SLC26A8: variants seen among roughly 807,000 people sequenced by gnomAD.
The protein encoded by SLC26A8 is solute carrier family 26 member 8.
SLC26A8 carries 70 observed loss-of-function variants against 105.0 expected under a neutral mutation model. That is an observed-to-expected ratio of 0.67 (90% CI 0.55 to 0.81). The LOEUF (loss-of-function observed/expected upper bound fraction) is 0.81. Among genes scored for constraint, SLC26A8 ranks in the 40% least tolerant of loss-of-function variants. The probability of loss-of-function intolerance (pLI) is 0.00; values close to 1 mark genes in which losing one functional copy is unlikely to be tolerated. For synonymous variants in SLC26A8, 415 were observed against 438.3 expected (o/e 0.95, Z 0.66); for missense variants, 998 against 1,181.8 (o/e 0.84, Z 2.28).
intron 3 of SLC26A8, 138 bp from the exon 4 acceptor site, chr6:36,000,246 A>G (rs1761482691): frequency 3.3e-6 from 2 of 613,904 alleles, no homozygotes; most frequent in Non-Finnish European, 2.9e-6. Context: ...CTGGACATAC[A>G]ATCCTTCATT....
intron 3 of SLC26A8, among the ~76,000 whole-genome samples, chr6:36,003,046 T>G (rs1007412855): frequency 2.3e-4 from 35 of 152,332 alleles, no homozygotes; most frequent in African/African-American, 7.0e-4. Context: ...TAGAAGTTCT[T>G]AAATTGTACT....
chr6:36,019,424 G>T lies in SLC26A8; in HGVS notation c.188+96C>A, dbSNP rs930539220. The T allele has an allele frequency of 2.8e-5, 36 of 1,286,274 alleles. No individual in the cohort carries two copies. In the Admixed American group the frequency reaches 9.5e-4, roughly 34 times the overall value. The allele number at this position is 1,286,274 out of a possible 1,614,324, so 79.7% of individuals were successfully genotyped here. A position where few individuals can be genotyped will look rare whatever the true frequency, so the allele number is the denominator to read the frequency against. Reference sequence around the variant, plus strand: ...ATAAACTGCATGATTCTGATTACAGGAACTCAGACAAGAAAGAGAAACGGA... The same window carrying T: ...ATAAACTGCATGATTCTGATTACAGTAACTCAGACAAGAAAGAGAAACGGA... On this transcript the variant is annotated intron_variant, in intron 2 of 19. Transcript: ENST00000490799.
chr6:35,975,500 C>G lies in SLC26A8; in HGVS notation c.1174-12G>C. On this transcript the variant is annotated splice_polypyrimidine_tract_variant and intron_variant, in intron 9 of 19. Transcript: ENST00000490799. ...ATGGCTATTAAATCCTGTAAAGAAACAGCAGATGCTTTAGGCCCCCGTTTT... is the reference window on the plus strand; with the variant it reads ...ATGGCTATTAAATCCTGTAAAGAAAGAGCAGATGCTTTAGGCCCCCGTTTT... 1 of 1,562,580 alleles carries G rather than the reference C, an allele frequency of 6.4e-7. No homozygotes were observed. Among genetic ancestry groups the G allele is most frequent in the Non-Finnish European group, 8.8e-7 (1 of 1,138,588 alleles).
intron 5 of SLC26A8, among the ~76,000 whole-genome samples, chr6:35,997,227 T>G (rs1257304358): frequency 2.0e-5 from 3 of 152,128 alleles, no homozygotes; most frequent in Non-Finnish European, 4.4e-5. Flanking sequence ...CTCTCCACCT[T>G]CTGTCAGATC....
chr6:36,018,897 C>T (rs1011522677), intron 2 of SLC26A8, among the ~76,000 whole-genome samples: 5 of 152,054 alleles, frequency 3.3e-5, no homozygotes, highest in Admixed American at 2.0e-4. Context: ...TCTCATTCCC[C>T]TACCATTAAT....
At chr6:36,001,106 G>A (rs1761506752) in intron 3 of SLC26A8, among the ~76,000 whole-genome samples, 1 of 152,022 alleles carries the variant, frequency 6.6e-6, no homozygotes, top group South Asian at 2.1e-4. Flanking sequence ...TCTCTAATAT[G>A]ATCCACAATG....
chr6:36,014,163 T>C (rs1400368960), intron 2 of SLC26A8, among the ~76,000 whole-genome samples: 1 of 152,004 alleles, frequency 6.6e-6, no homozygotes, highest in Non-Finnish European at 1.5e-5. Context: ...TGGAGAAGAG[T>C]AGAGCATGGC....
intron 17 of SLC26A8, among the ~76,000 whole-genome samples, chr6:35,953,115 T>C (rs1771938398): frequency 6.6e-6 from 1 of 151,658 alleles, no homozygotes; most frequent in Admixed American, 6.6e-5. Flanking sequence ...AAGGAGGCAG[T>C]ATACACAACT....
At position 35,982,803 on chromosome 6, in the gene SLC26A8, G is replaced by A. The variant is rs73405836; in HGVS notation, c.943-600C>T. Among the ~76,000 whole-genome samples, 1,138 of 152,266 alleles carry A rather than the reference G, an allele frequency of 7.5e-3. 10 individuals carry two copies. The highest frequency in any genetic ancestry group is 0.022 in the African/African-American group (899 of 41,548). ...TTGAGGTATACCAAAAGAGAAACATGATTAACCCTTAATAATATGGAGCAA... is the reference window on the plus strand; with the variant it reads ...TTGAGGTATACCAAAAGAGAAACATAATTAACCCTTAATAATATGGAGCAA... On this transcript the variant is annotated intron_variant, in intron 7 of 19. Coordinates refer to ENST00000490799, the MANE Select transcript of SLC26A8 (RefSeq NM_052961.4).
Position 35,959,518 on chromosome 6 carries a change from T to G in SLC26A8, c.1805A>C (p.Gln602Pro), listed in dbSNP as rs186939060. 9.2e-5 allele frequency: 149 copies of G among 1,614,074 alleles called. No individual in the cohort carries two copies. Among genetic ancestry groups the G allele is most frequent in the Non-Finnish European group, 5.1e-6 (6 of 1,179,986 alleles). Residue 602 changes from glutamine (Q) to proline (P), a missense_variant, in exon 16 of 20, where the codon CAA becomes CCA. By Grantham distance (76) the Gln-to-Pro change is moderately conservative. Coordinates refer to ENST00000490799, the MANE Select transcript of SLC26A8 (RefSeq NM_052961.4). ...GAAACACCTGCAAATCTTTCCTCCT[T>G]GTAGATTGGTGTCACTTGAATTAAA... The part of the protein sequence containing the change: ...SLFNSSDTNL[Q>P]GGKICRCFCN...
At chr6:35,951,584 T>G in intron 17 of SLC26A8, 85 bp from the exon 18 acceptor site, 2 of 1,503,264 alleles carry the variant, frequency 1.3e-6, no homozygotes, top group Non-Finnish European at 1.8e-6. Flanking sequence ...TGTCTTGTTT[T>G]GTTTTGGTTT....
At chr6:36,015,754 C>A (rs750356345) in intron 2 of SLC26A8, among the ~76,000 whole-genome samples, 3 of 152,004 alleles carry the variant, frequency 2.0e-5, no homozygotes, top group Non-Finnish European at 4.4e-5. Flanking sequence ...GGGGGATATC[C>A]AAGAACACAA....
In SLC26A8 at chr6:35,955,433, T is replaced by C. The variant is rs1198784390; in HGVS notation, c.1951A>G (p.Asn651Asp). Residue 651 changes from asparagine to aspartate, a missense_variant, in exon 17 of 20, where the codon AAC becomes GAC. Coordinates refer to ENST00000490799, the MANE Select transcript of SLC26A8 (RefSeq NM_052961.4). ...LIHCSHFESMNTSQTASEDQV... is the reference protein window; with the variant it reads ...LIHCSHFESMDTSQTASEDQV... ...TCTTCGGATGCAGTTTGGCTTGTGT[T>C]CATGCTCTCAAAATGTGAGCAGTGA... The C allele has an allele frequency of 1.1e-5, 17 of 1,614,104 alleles. No homozygotes were observed. In the South Asian group the frequency reaches 1.4e-4, roughly 14 times the overall value.
intron 17 of SLC26A8, 62 bp downstream of exon 17, chr6:35,955,090 G>A (rs750038997): frequency 6.2e-7 from 1 of 1,600,966 alleles, no homozygotes; most frequent in Admixed American, 1.7e-5. Flanking sequence ...ATCAGGATCA[G>A]GGTGGGGTTG....
chr6:35,963,455 C>T (rs1269309050), intron 11 of SLC26A8, among the ~76,000 whole-genome samples: 2 of 152,224 alleles, frequency 1.3e-5, no homozygotes, highest in African/African-American at 2.4e-5. Context: ...CCATAGCGCA[C>T]TCAGTCCTCT....
chr6:35,970,987 A>G (rs1481708398), intron 10 of SLC26A8, among the ~76,000 whole-genome samples: 3 of 152,104 alleles, frequency 2.0e-5, no homozygotes, highest in South Asian at 4.1e-4. Context: ...GACCTCGCCA[A>G]TGCACTCCAG....
At position 35,971,028 on chromosome 6, in the gene SLC26A8, AAACAAC is replaced by A. The variant is rs368306720; in HGVS notation, c.1288-2080_1288-2075del. Among the ~76,000 whole-genome samples, 394 of 151,790 alleles carry A rather than the reference AAACAAC, an allele frequency of 2.6e-3. 6 individuals carry two copies. Among genetic ancestry groups the A allele is most frequent in the African/African-American group, 9.0e-3 (372 of 41,336 alleles). On this transcript the variant is annotated intron_variant, in intron 10 of 19. Transcript: ENST00000490799. Reference sequence around the variant, plus strand: ...GCAACAAGAGCAAAACTCCATCTCAAAACAACAACAACAACAACAACAACAACAAAA... The same window carrying A: ...GCAACAAGAGCAAAACTCCATCTCAAAACAACAACAACAACAACAACAAAA...
At position 35,977,184 on chromosome 6, in the gene SLC26A8, G is replaced by T. The variant is rs1773070681; in HGVS notation, c.1173+20C>A. On this transcript the variant is annotated intron_variant, in intron 9 of 19. Coordinates refer to ENST00000490799, the MANE Select transcript of SLC26A8 (RefSeq NM_052961.4). ...AAAGAACAAAGAGTTAAGGATCAGA[G>T]GAAGTAGTAGTCCTCTCACCTGGTT... 1 of 1,604,946 alleles carries T rather than the reference G, an allele frequency of 6.2e-7. No homozygotes were observed. Among genetic ancestry groups the T allele is most frequent in the Non-Finnish European group, 8.5e-7 (1 of 1,176,916 alleles).
At chr6:35,951,102 C>CCCAACCCCCCCCAGCCCACAAAA in intron 19 of SLC26A8, 61 bp downstream of exon 19, 1 of 1,356,462 alleles carries the variant, frequency 7.4e-7, no homozygotes. Context: ...CCACCCCTCA[C>CCCAACCCCCCCCAGCCCACAAAA]CCATCCCCCC....
Sources: allele counts gnomAD v4.1 joint callset (sites outside exome capture counted in the v4.1 genomes callset), GRCh38; gene constraint gnomAD v4.1.1; transcripts MANE v1.5; gene names NCBI Gene and HGNC (gene_info 2026-07-23, HGNC 2026-07-21).